EIF4G2: variants seen among roughly 807,000 people sequenced by gnomAD.
EIF4G2 encodes the protein DAP-5.
Under a neutral mutation model 117.7 loss-of-function variants are expected in EIF4G2, and 8 were observed. That is an observed-to-expected ratio of 0.07 (90% CI 0.04 to 0.12). EIF4G2 has a LOEUF of 0.12. Among genes scored for constraint, EIF4G2 ranks in the 10% least tolerant of loss-of-function variants. The pLI is 1.00. For missense variants in EIF4G2, 812 were observed against 1,086.2 expected (o/e 0.75, Z 3.55); for synonymous variants, 413 against 367.8 (o/e 1.12, Z -1.41).
intron 5 of EIF4G2, 156 bp from the exon 6 acceptor site, chr11:10,804,574 A>T: frequency 2.1e-6 from 2 of 931,998 alleles, no homozygotes; most frequent in South Asian, 2.0e-5. Context: ...CCTGGGAGTC[A>T]GAAAATGCCA....
At position 10,803,799 on chromosome 11, in the gene EIF4G2, A is replaced by T; in HGVS notation, c.702+100T>A. 1 of 1,413,332 alleles carries T rather than the reference A, an allele frequency of 7.1e-7. No individual in the cohort carries two copies. The highest frequency in any genetic ancestry group is 9.6e-7 in the Non-Finnish European group (1 of 1,039,734). The allele number at this position is 1,413,332 out of a possible 1,614,324, so 87.5% of individuals were successfully genotyped here. A position where few individuals can be genotyped will look rare whatever the true frequency, so the allele number is the denominator to read the frequency against. On this transcript the variant is annotated intron_variant, in intron 8 of 21. Transcript: ENST00000339995. The surrounding 1 kb of genome is among the most constrained non-coding windows in gnomAD (Gnocchi z 4.0). ...TATTCTGTTTAGTAAATTTTGTTGCACATCTGTATTTAACTAGTCAACCTC... is the reference window on the plus strand; with the variant it reads ...TATTCTGTTTAGTAAATTTTGTTGCTCATCTGTATTTAACTAGTCAACCTC...
At position 10,800,180 on chromosome 11, in the gene EIF4G2, A is replaced by C; in HGVS notation, c.2029T>G (p.Cys677Gly). The C allele has an allele frequency of 6.2e-7, 1 of 1,614,182 alleles. No individual in the cohort carries two copies. The highest frequency in any genetic ancestry group is 8.5e-7 in the Non-Finnish European group (1 of 1,180,018). Residue 677 changes from cysteine (C) to glycine (G), a missense_variant, in exon 18 of 22, where the codon TGT becomes GGT. Transcript: ENST00000339995. Reference sequence around the variant, plus strand: ...TGTAATTTAGCTAACTGCTGAAGACAAAGTAGGAAGAGAGGAAAATGGGTG... The same window carrying C: ...TGTAATTTAGCTAACTGCTGAAGACCAAGTAGGAAGAGAGGAAAATGGGTG...
chr11:10,807,215 G>A (rs770131426), intron 2 of EIF4G2, 40 bp downstream of exon 2: 34 of 1,587,686 alleles, frequency 2.1e-5, no homozygotes, highest in African/African-American at 5.5e-5. Flanking sequence ...TTTGAGACTG[G>A]CCTTTTCAAA....
In EIF4G2 at chr11:10,801,789, GAGAA is replaced by G. The variant is rs773898466; in HGVS notation, c.1300-19_1300-16del. ...TGGCTTAGCCCCTATTTCAGAAAAGGAGAAAGAAAGTCTAGATAAAAAGGGGTCC... is the reference window on the plus strand; with the variant it reads ...TGGCTTAGCCCCTATTTCAGAAAAGGAGAAAGTCTAGATAAAAAGGGGTCC... On this transcript the variant is annotated splice_polypyrimidine_tract_variant and intron_variant, in intron 13 of 21. Coordinates refer to ENST00000339995, the MANE Select transcript of EIF4G2 (RefSeq NM_001418.4). 6.9e-5 allele frequency: 111 copies of G among 1,608,880 alleles called. No homozygotes were observed. The highest frequency in any genetic ancestry group is 3.0e-4 in the Admixed American group (18 of 59,216).
At chr11:10,801,413 G>A in intron 14 of EIF4G2, 1 of 654,608 alleles carries the variant, frequency 1.5e-6, no homozygotes, top group East Asian at 2.8e-5. Context: ...TACAAAGAAA[G>A]AAACCACAAT....
At position 10,797,728 on chromosome 11, in the gene EIF4G2, C is replaced by T. The variant is rs187488944; in HGVS notation, c.*88G>A. 31 of 1,318,742 alleles carry T rather than the reference C, an allele frequency of 2.4e-5. No individual in the cohort carries two copies. Among genetic ancestry groups the T allele is most frequent in the South Asian group, 8.6e-5 (7 of 81,350 alleles). 81.7% of individuals were successfully genotyped at this position (1,318,742 alleles called of 1,614,324 possible). ...TTTAAATATTGTGAAAACATTACAG[C>T]GGAATGAATTTTCGCAGTGGTTAGG... On this transcript the variant is annotated 3_prime_UTR_variant, in exon 22 of 22. Coordinates refer to ENST00000339995, the MANE Select transcript of EIF4G2 (RefSeq NM_001418.4). The surrounding 1 kb of genome is among the most constrained non-coding windows in gnomAD (Gnocchi z 4.5).
intron 1 of EIF4G2, chr11:10,807,646 T>C (rs1847621778): frequency 9.4e-7 from 1 of 1,060,372 alleles, no homozygotes; most frequent in African/African-American, 1.7e-5. Context: ...AGCCACATTC[T>C]ACTATCTTTA....
Position 10,799,205 on chromosome 11 carries a change from C to T in EIF4G2, c.2536+8G>A, listed in dbSNP as rs1040801945. ...CTCACGCCGTTCTTCTGATACAAGT[C>T]CTCTCACCTTTTGGGAAGTTGCTGT... On this transcript the variant is annotated splice_region_variant and intron_variant, in intron 20 of 21. Transcript: ENST00000339995. 6.2e-7 allele frequency: 1 copy of T among 1,613,700 alleles called. No homozygotes were observed. Among genetic ancestry groups the T allele is most frequent in the African/African-American group, 1.3e-5 (1 of 74,944 alleles).
chr11:10,807,569 A>G, intron 1 of EIF4G2, 188 bp from the exon 2 acceptor site: 1 of 1,254,242 alleles, frequency 8.0e-7, no homozygotes, highest in East Asian at 3.5e-5. Context: ...CCCGGTGTTC[A>G]AGGATGCAAA....
chr11:10,799,840 G>T, intron 18 of EIF4G2, 84 bp from the exon 19 acceptor site: 1 of 1,456,740 alleles, frequency 6.9e-7, no homozygotes, highest in Non-Finnish European at 9.2e-7. Context: ...CACAAATGAT[G>T]TCCCCAAGTA....
At chr11:10,807,536 T>G (rs1847615311) in intron 1 of EIF4G2, 155 bp from the exon 2 acceptor site, 1 of 1,290,912 alleles carries the variant, frequency 7.7e-7, no homozygotes. Flanking sequence ...ACAATTACAT[T>G]TTGTTTAGCC....
intron 3 of EIF4G2, 24 bp downstream of exon 3, chr11:10,806,794 ACT>A (rs764998617): frequency 3.7e-6 from 6 of 1,610,350 alleles, no homozygotes; most frequent in East Asian, 2.2e-5. Context: ...AATAAAGCTC[ACT>A]GTTTTTTTAC....
chr11:10,804,804 A>G, intron 5 of EIF4G2, 109 bp downstream of exon 5: 2 of 871,378 alleles, frequency 2.3e-6, no homozygotes, highest in South Asian at 3.0e-5. Context: ...ATACCTATCT[A>G]ACTCACACCT....
chr11:10,805,788 A>C lies in EIF4G2; in HGVS notation c.248+119T>G, dbSNP rs965503736. ...ATTTTTAAAAATTGCTACCATGAGG[A>C]TTCATTAAAACATACATACTCTGGG... is the stretch of plus-strand genomic sequence containing the variant. On this transcript the variant is annotated intron_variant, in intron 4 of 21. Transcript: ENST00000339995. 5.0e-5 allele frequency: 71 copies of C among 1,430,062 alleles called. 1 individual carries two copies. The Admixed American group carries it at 1.3e-3, about 25-fold the overall frequency. The allele number at this position is 1,430,062 out of a possible 1,614,324, so 88.6% of individuals were successfully genotyped here.
At chr11:10,807,121 G>C (rs536528028) in intron 2 of EIF4G2, 134 bp downstream of exon 2, 550 of 1,357,712 alleles carry the variant, frequency 4.1e-4, no homozygotes, top group Admixed American at 3.1e-3. Flanking sequence ...GCAGTTCTTA[G>C]AAGGCTGTCA....
At position 10,807,784 on chromosome 11, in the gene EIF4G2, C is replaced by T. The variant is rs1847627132; in HGVS notation, c.-86-403G>A. 2.4e-5 allele frequency: 24 copies of T among 991,218 alleles called. No individual in the cohort carries two copies. The South Asian group carries it at 6.7e-4, about 27-fold the overall frequency. The allele number at this position is 991,218 out of a possible 1,614,324, so 61.4% of individuals were successfully genotyped here. On this transcript the variant is annotated intron_variant, in intron 1 of 21. Transcript: ENST00000339995. Reference sequence around the variant, plus strand: ...CGACTAGATGAGGTCTCTCCGAAAGCTCTTCAGCAGTTTTCCCCTGTCCAC... The same window carrying T: ...CGACTAGATGAGGTCTCTCCGAAAGTTCTTCAGCAGTTTTCCCCTGTCCAC...
chr11:10,799,163 TTC>T (rs752303706), intron 20 of EIF4G2, 48 bp downstream of exon 20: 5 of 1,607,948 alleles, frequency 3.1e-6, no homozygotes, highest in African/African-American at 1.3e-5. Flanking sequence ...TTATTTAGTG[TTC>T]TGTTTAAGAA....
At position 10,797,074 on chromosome 11, in the gene EIF4G2, TGATA is replaced by T. The variant is rs1847284005; in HGVS notation, c.*738_*741del. 6.6e-6 allele frequency: 1 copy of T among 152,596 alleles called. No individual in the cohort carries two copies. Among genetic ancestry groups the T allele is most frequent in the Non-Finnish European group, 1.5e-5 (1 of 68,034 alleles). 9.5% of individuals were successfully genotyped at this position (152,596 alleles called of 1,614,324 possible). A position where few individuals can be genotyped will look rare whatever the true frequency, so the allele number is the denominator to read the frequency against. On this transcript the variant is annotated 3_prime_UTR_variant, in exon 22 of 22. Coordinates refer to ENST00000339995, the MANE Select transcript of EIF4G2 (RefSeq NM_001418.4). The surrounding 1 kb of genome is among the most constrained non-coding windows in gnomAD (Gnocchi z 4.5). Reference sequence around the variant, plus strand: ...CTACATCAAGTATCACAATGTTTATTGATAGATACAAGTATATAAAATCAGGGCA... The same window carrying T: ...CTACATCAAGTATCACAATGTTTATTGATACAAGTATATAAAATCAGGGCA...
At position 10,805,924 on chromosome 11, in the gene EIF4G2, G is replaced by A. The variant is rs1847554340; in HGVS notation, c.231C>T (p.Ile77=). The stretch of plus-strand genomic sequence containing the variant: ...AAACTTACCCTCTTACTTTCCTGAA[G>A]ATTGCATCATGTCGTTCTTTTTCGT... The change falls in exon 4 of 22, where the codon ATC becomes ATT. Residue 77 remains isoleucine, a synonymous_variant. Transcript: ENST00000339995. 1.2e-6 allele frequency: 2 copies of A among 1,614,140 alleles called. No homozygotes were observed. Among genetic ancestry groups the A allele is most frequent in the East Asian group, 4.5e-5 (2 of 44,878 alleles).
Sources: allele counts gnomAD v4.1 joint callset, GRCh38; gene constraint gnomAD v4.1.1; non-coding constraint Gnocchi (gnomAD v3.1); transcripts MANE v1.5; gene names NCBI Gene and HGNC (gene_info 2026-07-23, HGNC 2026-07-21).